The following CUL7 variants were observed in gnomAD, a reference collection of about 807,000 sequenced individuals.
CUL7 encodes the protein cullin-7.
CUL7 carries 96 observed loss-of-function variants against 177.7 expected under a neutral mutation model. The ratio of observed to expected loss-of-function variants is 0.54; its 90% CI spans 0.46 to 0.64. The LOEUF is 0.64. Ranked by LOEUF, CUL7 falls within the 30% of genes least tolerant of loss-of-function variation. The pLI, the probability that CUL7 is intolerant of heterozygous loss-of-function variation, is 0.00. For missense variants in CUL7, 1,893 were observed against 2,187.9 expected, an observed-to-expected ratio of 0.87 and a Z score of 2.69; for synonymous variants, 824 against 890.2, an observed-to-expected ratio of 0.93 and a Z score of 1.32.
At chr6:43,046,851 T>C (rs1168121353) in intron 10 of CUL7, 29 bp downstream of exon 10, 3 of 1,422,280 alleles carry the variant, frequency 2.1e-6, no homozygotes, top group Non-Finnish European at 2.0e-6. Flanking sequence ...GATGCCACTC[T>C]AAGCCCACAA....
rs150591409 is a variant in CUL7, at chr6:43,042,868, G to A, written c.3579C>T (p.Phe1193=). 71 of 1,613,880 alleles carry A rather than the reference G, an allele frequency of 4.4e-5. No homozygotes were observed. The highest frequency in any genetic ancestry group is 5.8e-5 in the Non-Finnish European group (69 of 1,179,934). Reference sequence around the variant, plus strand: ...CACAGCCATTTTGCAGCGCCAGCAAGAAGGCTGCCCGAGGCCCAAACAGTT... The same window carrying A: ...CACAGCCATTTTGCAGCGCCAGCAAAAAGGCTGCCCGAGGCCCAAACAGTT... The part of the protein sequence containing the change: ...SSELFGPRAA[F]LLALQNGCAG... The change falls in exon 19 of 26, where the codon TTC becomes TTT. Residue 1193 remains phenylalanine (F), a synonymous_variant. Coordinates refer to ENST00000265348, the MANE Select transcript of CUL7 (RefSeq NM_014780.5).
rs192177344 is a variant in CUL7 at position 43,042,117 on chromosome 6, G to A, written c.3645+685C>T. ...AAGGAGGGAGGGAAGGAGGGAAGGA[G>A]GGAAGGAAGGAAGGAAGGAAGGCAG... On this transcript the variant is annotated intron_variant, in intron 19 of 25. Transcript: ENST00000265348. Among the ~76,000 whole-genome samples the A allele has an allele frequency of 1.7e-3, 249 of 143,458 alleles. 2 individuals are homozygous for A. The highest frequency in any genetic ancestry group is 3.1e-3 in the Non-Finnish European group (196 of 63,978). The allele number at this position is 143,458 out of a possible 152,430, so 94.1% of individuals were successfully genotyped here. A position where few individuals can be genotyped will look rare whatever the true frequency, so the allele number is the denominator to read the frequency against.
rs1314734367 is a variant in CUL7, at chr6:43,051,814, G to A, written c.581-51C>T. On this transcript the variant is annotated intron_variant, in intron 2 of 25. Transcript: ENST00000265348. This position sits in a 1 kb window ranked among gnomAD's most constrained non-coding sequence, Gnocchi z 5.0. ...CTTCTCCCTAATCTCACCCTTCCTA[G>A]AAATCTTAGACCCTCTACTCTTTCA... The A allele has an allele frequency of 2.5e-6, 4 of 1,596,574 alleles. No homozygotes were observed. In the East Asian group the frequency reaches 8.9e-5, roughly 36 times the overall value.
chr6:43,050,369 A>G lies in CUL7; in HGVS notation c.1263T>C (p.Tyr421=). 1 of 1,614,164 alleles carries G rather than the reference A, an allele frequency of 6.2e-7. No homozygotes were observed. The highest frequency in any genetic ancestry group is 8.5e-7 in the Non-Finnish European group (1 of 1,180,012). The change falls in exon 5 of 26, where the codon TAT becomes TAC. Residue 421 remains tyrosine, a synonymous_variant. Coordinates refer to ENST00000265348, the MANE Select transcript of CUL7 (RefSeq NM_014780.5). The surrounding 1 kb of genome is among the most constrained non-coding windows in gnomAD (Gnocchi z 4.1). ...TCTCCAGCATGTGCCAGTGCACCCA[A>G]TAGGTGCGGCCTGTTGACTCCCAAA... ...QVFWESTGRT[Y]WVHWHMLEIL...
chr6:43,050,487 G>C lies in CUL7; in HGVS notation c.1234-89C>G, dbSNP rs989734348. On this transcript the variant is annotated intron_variant, in intron 4 of 25. Coordinates refer to ENST00000265348, the MANE Select transcript of CUL7 (RefSeq NM_014780.5). This position sits in a 1 kb window ranked among gnomAD's most constrained non-coding sequence, Gnocchi z 4.1. ...CAGTACTGAGGACTATAGCCCTCAG[G>C]GTGACCACCTGGCCAGGTTTTAGAA... 1 of 1,422,890 alleles carries C rather than the reference G, an allele frequency of 7.0e-7. No homozygotes were observed. The highest frequency in any genetic ancestry group is 1.4e-5 in the African/African-American group (1 of 70,974). The allele number at this position is 1,422,890 out of a possible 1,614,324, so 88.1% of individuals were successfully genotyped here.
Position 43,040,120 on chromosome 6 carries a change from C to T in CUL7, c.4294+36G>A. 1 of 1,613,712 alleles carries T rather than the reference C, an allele frequency of 6.2e-7. No individual in the cohort carries two copies. Among genetic ancestry groups the T allele is most frequent in the African/African-American group, 1.3e-5 (1 of 75,038 alleles). On this transcript the variant is annotated intron_variant, in intron 22 of 25. Coordinates refer to ENST00000265348, the MANE Select transcript of CUL7 (RefSeq NM_014780.5). The surrounding 1 kb of genome is among the most constrained non-coding windows in gnomAD (Gnocchi z 4.2). Reference sequence around the variant, plus strand: ...AGGTCCTTTCCTAGCAGCCCACCCTCTCCCCAGTCCCCAGTCCCTCTGCCT... The same window carrying T: ...AGGTCCTTTCCTAGCAGCCCACCCTTTCCCCAGTCCCCAGTCCCTCTGCCT...
rs755961130 is a variant in CUL7 at position 43,046,607 on chromosome 6, G to C, written c.2398-6C>G. On this transcript the variant is annotated splice_region_variant and splice_polypyrimidine_tract_variant and intron_variant, in intron 10 of 25. Transcript: ENST00000265348. ...TCGATCTGGCCCAGCACCATCTGCAGCCAGAACATCAGAGAGAAGGGGCAC... is the reference window on the plus strand; with the variant it reads ...TCGATCTGGCCCAGCACCATCTGCACCCAGAACATCAGAGAGAAGGGGCAC... 18 of 1,614,048 alleles carry C rather than the reference G, an allele frequency of 1.1e-5. No homozygotes were observed. Among genetic ancestry groups the C allele is most frequent in the Admixed American group, 6.7e-5 (4 of 59,990 alleles).
chr6:43,044,728 G>A (rs1581927898), intron 16 of CUL7, 24 bp downstream of exon 16: 2 of 1,594,838 alleles, frequency 1.3e-6, no homozygotes, highest in Non-Finnish European at 1.7e-6. Flanking sequence ...AGATAGTAAT[G>A]GGTCCAGATG....
At position 43,052,610 on chromosome 6, in the gene CUL7, C is replaced by T; in HGVS notation, c.179G>A (p.Cys60Tyr). The change falls in exon 2 of 26, where the codon TGC becomes TAC. Residue 60 changes from cysteine to tyrosine, a missense_variant. Physicochemically the swap from Cys to Tyr is radical, Grantham distance 194 (BLOSUM62 -2). Transcript: ENST00000265348. This position sits in a 1 kb window ranked among gnomAD's most constrained non-coding sequence, Gnocchi z 4.5. ...CCACAGCAGGATGTGCTCAGCCTTG[C>T]AGTCCACTTGGCCAGAGCCCCCGTC... is the stretch of plus-strand genomic sequence containing the variant. ...EGDGGSGQVD[C>Y]KAEHILLWMS... 1 of 1,614,246 alleles carries T rather than the reference C, an allele frequency of 6.2e-7. No individual in the cohort carries two copies. The highest frequency in any genetic ancestry group is 8.5e-7 in the Non-Finnish European group (1 of 1,180,054).
rs771075556 is a variant in CUL7 at position 43,040,130 on chromosome 6, C to T, written c.4294+26G>A. On this transcript the variant is annotated intron_variant, in intron 22 of 25. Coordinates refer to ENST00000265348, the MANE Select transcript of CUL7 (RefSeq NM_014780.5). This position sits in a 1 kb window ranked among gnomAD's most constrained non-coding sequence, Gnocchi z 4.2. ...CTAGCAGCCCACCCTCTCCCCAGTC[C>T]CCAGTCCCTCTGCCTGGCTGCTCAC... 1 of 1,614,020 alleles carries T rather than the reference C, an allele frequency of 6.2e-7. No individual in the cohort carries two copies. Among genetic ancestry groups the T allele is most frequent in the Non-Finnish European group, 8.5e-7 (1 of 1,179,940 alleles).
intron 10 of CUL7, 106 bp from the exon 11 acceptor site, chr6:43,046,707 T>C (rs867627137): frequency 6.6e-7 from 1 of 1,522,768 alleles, no homozygotes. Flanking sequence ...GGACTTCCTC[T>C]ACAGCACCAG....
chr6:43,046,952 C>T lies in CUL7; in HGVS notation c.2325G>A (p.Met775Ile). ...KLELAQELRD[M>I]VFKCEKHAHL... ...GGGCATGCTTCTCACACTTGAACAC[C>T]ATGTCCCGCAGCTCCTGAGCCAGCT... The change falls in exon 10 of 26, where the codon ATG (methionine) becomes ATA (isoleucine). Residue 775 changes from methionine (M) to isoleucine (I), a missense_variant. By Grantham distance (10) the Met-to-Ile change is conservative. This residue lies in a region of CUL7 where 973 missense variants were observed against 1,140.9 expected (regional missense o/e 0.85). Coordinates refer to ENST00000265348, the MANE Select transcript of CUL7 (RefSeq NM_014780.5). 9.3e-6 allele frequency: 15 copies of T among 1,613,722 alleles called. No homozygotes were observed. Among genetic ancestry groups the T allele is most frequent in the Non-Finnish European group, 1.3e-5 (15 of 1,179,666 alleles).
chr6:43,040,309 A>G lies in CUL7; in HGVS notation c.4141T>C (p.Tyr1381His). The change falls in exon 22 of 26, where the codon TAC (tyrosine) becomes CAC (histidine). Residue 1381 changes from tyrosine (Y) to histidine (H), a missense_variant. This residue lies in a region of CUL7 where 973 missense variants were observed against 1,140.9 expected (regional missense o/e 0.85). Transcript: ENST00000265348. The surrounding 1 kb of genome is among the most constrained non-coding windows in gnomAD (Gnocchi z 4.2). Reference sequence around the variant, plus strand: ...ACTTCTGGCATTGCCCCTTCATAGTAGAGGTCCTCATTCTCCTCCTCTTCC... The same window carrying G: ...ACTTCTGGCATTGCCCCTTCATAGTGGAGGTCCTCATTCTCCTCCTCTTCC... ...EEEEEENEDL[Y>H]YEGAMPEVSV... The G allele has an allele frequency of 1.9e-6, 3 of 1,614,038 alleles. No homozygotes were observed. The highest frequency in any genetic ancestry group is 2.5e-6 in the Non-Finnish European group (3 of 1,180,010).
At chr6:43,047,162 G>T in intron 9 of CUL7, 55 bp from the exon 10 acceptor site, 3 of 995,498 alleles carry the variant, frequency 3.0e-6, no homozygotes, top group Non-Finnish European at 4.9e-6. Context: ...GGCCACAAGG[G>T]CACCTGCAGT....
chr6:43,040,697 C>T lies in CUL7; in HGVS notation c.3856G>A (p.Gly1286Arg), dbSNP rs1228920191. ...LLGVVSSWLE[G>R]AVLEQIGPCF... ...GGACCGATCTGCTCCAGCACGGCCC[C>T]CTCCAGCCAGCTCGAGACCACGCCC... The change falls in exon 21 of 26, where the codon GGG becomes AGG. Residue 1286 changes from glycine (G) to arginine (R), a missense_variant. Coordinates refer to ENST00000265348, the MANE Select transcript of CUL7 (RefSeq NM_014780.5). This position sits in a 1 kb window ranked among gnomAD's most constrained non-coding sequence, Gnocchi z 4.2. The T allele has an allele frequency of 1.9e-6, 3 of 1,614,074 alleles. No homozygotes were observed. The African/African-American group carries it at 4.0e-5, about 22-fold the overall frequency.
At position 43,043,216 on chromosome 6, in the gene CUL7, G is replaced by A; in HGVS notation, c.3356-36C>T. ...CAAGAAAGTGGCAGAGGCAAGGAGG[G>A]TGCAGCCCCTCCACTCCCAAGTCCC... On this transcript the variant is annotated intron_variant, in intron 17 of 25. Transcript: ENST00000265348. This position sits in a 1 kb window ranked among gnomAD's most constrained non-coding sequence, Gnocchi z 4.2. The A allele has an allele frequency of 6.4e-7, 1 of 1,550,812 alleles. No individual in the cohort carries two copies. The highest frequency in any genetic ancestry group is 8.9e-7 in the Non-Finnish European group (1 of 1,125,404).
In CUL7 at chr6:43,045,955, G is replaced by A. The variant is rs1380266289; in HGVS notation, c.2766+31C>T. The A allele has an allele frequency of 1.3e-6, 2 of 1,532,690 alleles. No individual in the cohort carries two copies. The highest frequency in any genetic ancestry group is 1.8e-6 in the Non-Finnish European group (2 of 1,106,194). 94.9% of individuals were successfully genotyped at this position (1,532,690 alleles called of 1,614,324 possible). A position where few individuals can be genotyped will look rare whatever the true frequency, so the allele number is the denominator to read the frequency against. Reference sequence around the variant, plus strand: ...CAGGAGGGCAGATCCTGTGAGGGGTGGAGTAATGGCTAATGGCCCTGGGGT... The same window carrying A: ...CAGGAGGGCAGATCCTGTGAGGGGTAGAGTAATGGCTAATGGCCCTGGGGT... On this transcript the variant is annotated intron_variant, in intron 13 of 25. Coordinates refer to ENST00000265348, the MANE Select transcript of CUL7 (RefSeq NM_014780.5). This position sits in a 1 kb window ranked among gnomAD's most constrained non-coding sequence, Gnocchi z 4.8.
chr6:43,052,034 GAT>G lies in CUL7; in HGVS notation c.580+173_580+174del. 1 of 1,225,574 alleles carries G rather than the reference GAT, an allele frequency of 8.2e-7. No individual in the cohort carries two copies. Among genetic ancestry groups the G allele is most frequent in the South Asian group, 1.5e-5 (1 of 66,902 alleles). The allele number at this position is 1,225,574 out of a possible 1,614,324, so 75.9% of individuals were successfully genotyped here. ...GAAGATAGTCTTTCCTCTTTTGGCAGATAACCCCCACCCTCACTCCCATGCCC... is the reference window on the plus strand; with the variant it reads ...GAAGATAGTCTTTCCTCTTTTGGCAGAACCCCCACCCTCACTCCCATGCCC... On this transcript the variant is annotated intron_variant, in intron 2 of 25. Transcript: ENST00000265348. This position sits in a 1 kb window ranked among gnomAD's most constrained non-coding sequence, Gnocchi z 4.5.
In CUL7 at chr6:43,050,400, T is replaced by C; in HGVS notation, c.1234-2A>G. 20 of 1,613,930 alleles carry C rather than the reference T, an allele frequency of 1.2e-5. No homozygotes were observed. Among genetic ancestry groups the C allele is most frequent in the Non-Finnish European group, 1.5e-5 (18 of 1,179,992 alleles). ...GCGGCCTGTTGACTCCCAAAATACC[T>C]GGAGCATAGGGAAAGAAAGAGGGAA... is the stretch of plus-strand genomic sequence containing the variant. On this transcript the variant is annotated splice_acceptor_variant, in intron 4 of 25. Coordinates refer to ENST00000265348, the MANE Select transcript of CUL7 (RefSeq NM_014780.5). LOFTEE classifies it high-confidence loss of function. This position sits in a 1 kb window ranked among gnomAD's most constrained non-coding sequence, Gnocchi z 4.1.
Sources: allele counts gnomAD v4.1 joint callset (sites outside exome capture counted in the v4.1 genomes callset), GRCh38; gene constraint gnomAD v4.1.1; regional missense constraint gnomAD v4.1.1; non-coding constraint Gnocchi (gnomAD v3.1); transcripts MANE v1.5; gene names NCBI Gene and HGNC (gene_info 2026-07-23, HGNC 2026-07-21).